ITIH6: variants seen among roughly 807,000 people sequenced by gnomAD.
ITIH6 encodes the protein inter-alpha-trypsin inhibitor heavy chain family member 6.
A neutral mutation model predicts 58.2 loss-of-function variants in ITIH6; 60 were observed. That is an observed-to-expected ratio of 1.03 (90% CI 0.84 to 1.28). The LOEUF is 1.28. ITIH6 is among the 50% of genes most tolerant of loss of function. The pLI, the probability that ITIH6 is intolerant of heterozygous loss-of-function variation, is 0.00. For missense variants in ITIH6, 1,290 were observed against 1,021.1 expected (o/e 1.26, Z -3.59); for synonymous variants, 493 against 417.4 (o/e 1.18, Z -2.21).
intron 2 of ITIH6, among the ~76,000 whole-genome samples, chrX:54,793,231 C>T (rs1354760532): frequency 1.8e-5 from 2 of 111,444 alleles, no homozygotes; most frequent in East Asian, 2.8e-4. Context: ...TCATGGAATA[C>T]TATGCAGCCA....
At position 54,798,183 on chromosome X, in the gene ITIH6, C is replaced by T. The variant is rs780985924; in HGVS notation, c.28G>A (p.Val10Ile). ...AGAAGAATGGTCAGCAAAAAGCTGACACAGATGAGGTACCTCCACCCAGAC... is the reference window on the plus strand; with the variant it reads ...AGAAGAATGGTCAGCAAAAAGCTGATACAGATGAGGTACCTCCACCCAGAC... MSGWRYLICVSFLLTILLEL... is the reference protein window; with the variant it reads MSGWRYLICISFLLTILLEL... The change falls in exon 1 of 13, where the codon GTC becomes ATC. Residue 10 changes from valine to isoleucine, a missense_variant. Transcript: ENST00000218436. 3.4e-6 allele frequency: 4 copies of T among 1,184,145 alleles called. No homozygotes were observed. The highest frequency in any genetic ancestry group is 3.4e-6 in the Non-Finnish European group (3 of 880,448).
intron 6 of ITIH6, 92 bp from the exon 7 acceptor site, chrX:54,760,019 G>T: frequency 1.4e-6 from 1 of 706,559 alleles, no homozygotes. Context: ...TAACATCTAA[G>T]TGTTATATGG....
In ITIH6 at chrX:54,764,628, A is replaced by G. The variant is rs1176638594; in HGVS notation, c.904-4701T>C. On this transcript the variant is annotated intron_variant, in intron 6 of 12. Transcript: ENST00000218436. ...GGCTGCATAGTATTCCATGGTGTAT[A>G]TGTGCCACATTTTCTTAATCCAGTC... is the stretch of plus-strand genomic sequence containing the variant. Among the ~76,000 whole-genome samples, 159 of 99,628 alleles carry G rather than the reference A, an allele frequency of 1.6e-3. 2 individuals are homozygous for G. The highest frequency in any genetic ancestry group is 2.8e-3 in the Non-Finnish European group (138 of 49,280). The allele number at this position is 99,628 out of a possible 115,157, so 86.5% of individuals were successfully genotyped here.
intron 2 of ITIH6, among the ~76,000 whole-genome samples, chrX:54,794,155 G>C (rs918620036): frequency 1.0e-4 from 11 of 109,307 alleles, no homozygotes; most frequent in Non-Finnish European, 1.3e-4. Context: ...GGCTAGTGTG[G>C]GGGTGGGCCG....
chrX:54,798,099 C>G lies in ITIH6; in HGVS notation c.102+10G>C. ...ATCCCCAAGCTTTTTTCCCTCATCC[C>G]AGAACTGACCTTTGTGCTTGATGAA... On this transcript the variant is annotated intron_variant, in intron 1 of 12. Transcript: ENST00000218436. 8.8e-7 allele frequency: 1 copy of G among 1,141,038 alleles called. No individual in the cohort carries two copies. Among genetic ancestry groups the G allele is most frequent in the Non-Finnish European group, 1.2e-6 (1 of 845,445 alleles). The allele number at this position is 1,141,038 out of a possible 1,213,427, so 94.0% of individuals were successfully genotyped here.
Position 54,758,310 on chromosome X carries a change from C to T in ITIH6, c.1764G>A (p.Leu588=), listed in dbSNP as rs958224165. ...QARDTTTRHL[L]AAKVLNLSLE... Reference sequence around the variant, plus strand: ...GGGACAGGTTGAGGACTTTGGCAGCCAGCAGGTGGCGAGTGGTGGTGTCAC... The same window carrying T: ...GGGACAGGTTGAGGACTTTGGCAGCTAGCAGGTGGCGAGTGGTGGTGTCAC... Residue 588 remains leucine (L), a synonymous_variant, in exon 8 of 13, where the codon CTG becomes CTA. Transcript: ENST00000218436. The T allele has an allele frequency of 1.4e-5, 17 of 1,210,215 alleles. No homozygotes were observed. Among genetic ancestry groups the T allele is most frequent in the Non-Finnish European group, 1.6e-5 (14 of 895,207 alleles).
In ITIH6 at chrX:54,758,494, T is replaced by A; in HGVS notation, c.1580A>T (p.Asp527Val). 17 of 1,210,541 alleles carry A rather than the reference T, an allele frequency of 1.4e-5. No individual in the cohort carries two copies. The highest frequency in any genetic ancestry group is 1.9e-5 in the Non-Finnish European group (17 of 894,988). ...GIHLAARGPK[D>V]QLLVAHHSEG... Reference sequence around the variant, plus strand: ...ACTGTGGTGGGCCACAAGAAGCTGATCCTTGGGGCCACGGGCTGCCAGGTG... The same window carrying A: ...ACTGTGGTGGGCCACAAGAAGCTGAACCTTGGGGCCACGGGCTGCCAGGTG... The change falls in exon 8 of 13, where the codon GAT becomes GTT. Residue 527 changes from aspartate (D) to valine (V), a missense_variant. By Grantham distance (152) the Asp-to-Val change is radical. Transcript: ENST00000218436.
chrX:54,766,953 C>T (rs1928803290), intron 6 of ITIH6, among the ~76,000 whole-genome samples: 2 of 108,754 alleles, frequency 1.8e-5, no homozygotes, highest in South Asian at 7.9e-4. Context: ...GGAATAGTTT[C>T]AGAAGGAATG....
At chrX:54,761,124 G>T (rs909378981) in intron 6 of ITIH6, among the ~76,000 whole-genome samples, 8 of 111,812 alleles carry the variant, frequency 7.2e-5, no homozygotes, top group African/African-American at 2.6e-4. Context: ...TTTAATGATT[G>T]CCATTTTAAC....
At chrX:54,767,441 T>A (rs1219872050) in intron 6 of ITIH6, among the ~76,000 whole-genome samples, 14 of 102,782 alleles carry the variant, frequency 1.4e-4, no homozygotes, top group Non-Finnish European at 2.5e-4. Flanking sequence ...AGCTTTTGAA[T>A]GTGTTTGCTC....
In ITIH6 at chrX:54,758,935, G is replaced by T; in HGVS notation, c.1139C>A (p.Pro380His). ...CCTCCCCACACTGGGGCCCCTCCCAGGCTCCTGGTTGCTATGGTTCAGCAC... is the reference window on the plus strand; with the variant it reads ...CCTCCCCACACTGGGGCCCCTCCCATGCTCCTGGTTGCTATGGTTCAGCAC... ...ASVLNHSNQEPGRGPSVGRIP... is the reference protein window; with the variant it reads ...ASVLNHSNQEHGRGPSVGRIP... The change falls in exon 8 of 13, where the codon CCT becomes CAT. Residue 380 changes from proline (P) to histidine (H), a missense_variant. Pro to His is a moderately conservative substitution (Grantham distance 77, BLOSUM62 -2). Transcript: ENST00000218436. 8.3e-7 allele frequency: 1 copy of T among 1,201,863 alleles called. No homozygotes were observed. The highest frequency in any genetic ancestry group is 1.1e-6 in the Non-Finnish European group (1 of 890,916).
At position 54,790,391 on chromosome X, in the gene ITIH6, T is replaced by C. The variant is rs766576134; in HGVS notation, c.616+446A>G. Among the ~76,000 whole-genome samples the C allele has an allele frequency of 8.9e-5, 10 of 112,080 alleles. No homozygotes were observed. In the South Asian group the frequency reaches 1.5e-3, roughly 17 times the overall value. On this transcript the variant is annotated intron_variant, in intron 4 of 12. Coordinates refer to ENST00000218436, the MANE Select transcript of ITIH6 (RefSeq NM_198510.3). ...AAGCAAACTTCTGAGGCAGGATGCT[T>C]CTCTTCCCTCCAGGGCCTGAGATGG...
intron 6 of ITIH6, among the ~76,000 whole-genome samples, chrX:54,761,760 T>C (rs1928650444): frequency 9.0e-6 from 1 of 111,262 alleles, no homozygotes; most frequent in African/African-American, 3.3e-5. Flanking sequence ...ATGTGTGGTA[T>C]TATTTCTGAG....
chrX:54,751,410 G>A (rs1417378946), intron 11 of ITIH6, 30 bp from the exon 12 acceptor site: 5 of 1,195,937 alleles, frequency 4.2e-6, no homozygotes, highest in East Asian at 3.0e-5. Flanking sequence ...GGCCTGGAGC[G>A]GGGGCTTTTG....
chrX:54,771,314 A>T (rs778181662), intron 6 of ITIH6, among the ~76,000 whole-genome samples: 1 of 111,497 alleles, frequency 9.0e-6, no homozygotes, highest in Non-Finnish European at 1.9e-5. Flanking sequence ...TATTATTTCC[A>T]TGATGCATAT....
At chrX:54,774,264 C>T (rs1404084251) in intron 5 of ITIH6, 67 bp from the exon 6 acceptor site, 1 of 557,150 alleles carries the variant, frequency 1.8e-6, no homozygotes, top group Non-Finnish European at 2.8e-6. Context: ...TAAATCAGGT[C>T]CCCTCTTATT....
intron 9 of ITIH6, among the ~76,000 whole-genome samples, chrX:54,754,578 A>G (rs5914155): frequency 6.9e-4 from 77 of 111,502 alleles, no homozygotes; most frequent in Middle Eastern, 8.4e-3. Context: ...ATGGAGGGGG[A>G]CCACATGGCA....
chrX:54,752,727 T>A (rs1022813872), intron 11 of ITIH6, among the ~76,000 whole-genome samples: 3 of 112,065 alleles, frequency 2.7e-5, no homozygotes. Context: ...CAATGAAAAC[T>A]TTAAACAAGT....
chrX:54,776,884 G>A (rs182896834), intron 5 of ITIH6, among the ~76,000 whole-genome samples: 2 of 112,044 alleles, frequency 1.8e-5, no homozygotes, highest in Admixed American at 9.4e-5. Context: ...TGGCTATTGG[G>A]AGAGTGCTTA....
Sources: gnomAD v4.1 joint callset for allele counts (sites outside exome capture counted in the v4.1 genomes callset) on GRCh38, gnomAD v4.1.1 for gene constraint, MANE v1.5 for transcripts, NCBI Gene and HGNC (gene_info 2026-07-23, HGNC 2026-07-21) for gene names.